SARS2: variants seen among roughly 807,000 people sequenced by gnomAD.
SARS2 encodes seryl-tRNA synthetase 2, mitochondrial, also known as serine--tRNA ligase, mitochondrial.
A neutral mutation model predicts 66.8 loss-of-function variants in SARS2; 52 were observed. The observed-to-expected ratio is 0.78, with a 90% CI of 0.62 to 0.98. The LOEUF (loss-of-function observed/expected upper bound fraction) is 0.98, where lower values mean the gene tolerates loss of function less well. SARS2 is among the 50% of genes least tolerant of loss of function. The pLI is 0.00. For synonymous variants in SARS2, 306 were observed against 281.4 expected (o/e 1.09, Z -0.87); for missense variants, 673 against 706.3 (o/e 0.95, Z 0.53).
rs998074550 is a variant in SARS2, at chr19:38,917,791, A to G, written c.1093T>C (p.Ser365Pro). The G allele has an allele frequency of 1.3e-5, 21 of 1,613,730 alleles. No individual in the cohort carries two copies. The highest frequency in any genetic ancestry group is 1.8e-5 in the Non-Finnish European group (21 of 1,179,820). Reference protein sequence around the residue: ...GVTGPGLEQSSQLLEEFLSLQ... With the variant: ...GVTGPGLEQSPQLLEEFLSLQ... Reference sequence around the variant, plus strand: ...GACAGGAACTCCTCCAGCAGCTGTGAGCTCTGCTCCAGCCCAGGGCCTGTC... The same window carrying G: ...GACAGGAACTCCTCCAGCAGCTGTGGGCTCTGCTCCAGCCCAGGGCCTGTC... The change falls in exon 12 of 16, where the codon TCA becomes CCA. Residue 365 changes from serine (S) to proline (P), a missense_variant. Coordinates refer to ENST00000221431, the MANE Select transcript of SARS2 (RefSeq NM_017827.4).
chr19:38,919,923 G>A, intron 6 of SARS2, 56 bp from the exon 7 acceptor site: 2 of 1,515,678 alleles, frequency 1.3e-6, no homozygotes, highest in South Asian at 1.1e-5. Flanking sequence ...GGGAATGTGG[G>A]GATGAAAACA....
At position 38,915,729 on chromosome 19, in the gene SARS2, G is replaced by C; in HGVS notation, c.1434C>G (p.Pro478=). ...NQQKDGSVLV[P]PALQSYLGTD... is the part of the protein sequence containing the mutation. ...TGCCGAGGTAGGACTGGAGGGCAGG[G>C]GGCACGAGCACTGAGCCGTCCTGGG... is the stretch of plus-strand genomic sequence containing the variant. The change falls in exon 16 of 16, where the codon CCC becomes CCG. Residue 478 remains proline, a synonymous_variant. Transcript: ENST00000221431. 1 of 1,613,170 alleles carries C rather than the reference G, an allele frequency of 6.2e-7. No individual in the cohort carries two copies. Among genetic ancestry groups the C allele is most frequent in the South Asian group, 1.1e-5 (1 of 91,060 alleles).
At position 38,930,753 on chromosome 19, in the gene SARS2, G is replaced by C; in HGVS notation, c.-17C>G. 6.2e-7 allele frequency: 1 copy of C among 1,610,776 alleles called. No individual in the cohort carries two copies. The highest frequency in any genetic ancestry group is 8.5e-7 in the Non-Finnish European group (1 of 1,179,968). On this transcript the variant is annotated 5_prime_UTR_variant, in exon 1 of 16. Transcript: ENST00000221431. Reference sequence around the variant, plus strand: ...CGCAGCCATCTTGGACCGGGAACAAGGCGGCACTTCGTCCCGCCCACTCCG... The same window carrying C: ...CGCAGCCATCTTGGACCGGGAACAACGCGGCACTTCGTCCCGCCCACTCCG...
chr19:38,919,249 T>A (rs1974474948), intron 7 of SARS2, among the ~76,000 whole-genome samples: 1 of 152,200 alleles, frequency 6.6e-6, no homozygotes, highest in Non-Finnish European at 1.5e-5. Context: ...ATTGCACCAC[T>A]GTACTCCAGC....
rs527808540 is a variant in SARS2 at position 38,916,328 on chromosome 19, C to T, written c.1161-14G>A. The T allele has an allele frequency of 5.6e-6, 9 of 1,611,494 alleles. No individual in the cohort carries two copies. Among genetic ancestry groups the T allele is most frequent in the Admixed American group, 3.3e-5 (2 of 59,974 alleles). On this transcript the variant is annotated splice_polypyrimidine_tract_variant and intron_variant, in intron 12 of 15. Transcript: ENST00000221431. ...ATATCCAGGACCCTGCGGTCAAGGA[C>T]GAAGGTGTGGGGAAGGTCAGCGGGT...
rs1974716437 is a variant in SARS2 at position 38,930,458 on chromosome 19, A to C, written c.267+12T>G. On this transcript the variant is annotated intron_variant, in intron 1 of 15. Transcript: ENST00000221431. ...AACGTCTGCGCCCCCCGGCCGGCGCAGGCGCACTCACGATCGCGGGCAGGT... is the reference window on the plus strand; with the variant it reads ...AACGTCTGCGCCCCCCGGCCGGCGCCGGCGCACTCACGATCGCGGGCAGGT... The C allele has an allele frequency of 6.3e-7, 1 of 1,590,462 alleles. No individual in the cohort carries two copies. Among genetic ancestry groups the C allele is most frequent in the Non-Finnish European group, 8.6e-7 (1 of 1,167,658 alleles).
chr19:38,917,726 G>T lies in SARS2; in HGVS notation c.1158C>A (p.Phe386Leu). 6.2e-7 allele frequency: 1 copy of T among 1,606,716 alleles called. No homozygotes were observed. The highest frequency in any genetic ancestry group is 1.7e-5 in the Admixed American group (1 of 59,942). ...GGATCCCTGGCCCCTCTCCACACCG[G>T]AAGTGCAAGCCCAGCTCTGTCAAGA... ...MEILTELGLH[F>L]RVLDMPTQEL... The change falls in exon 12 of 16, where the codon TTC becomes TTA. Residue 386 changes from phenylalanine (F) to leucine (L), a missense_variant and splice_region_variant. Physicochemically the swap from Phe to Leu is conservative, Grantham distance 22 (BLOSUM62 0). Coordinates refer to ENST00000221431, the MANE Select transcript of SARS2 (RefSeq NM_017827.4).
intron 5 of SARS2, among the ~76,000 whole-genome samples, chr19:38,921,060 CACAT>C (rs972497744): frequency 2.8e-5 from 3 of 106,744 alleles, no homozygotes; most frequent in Admixed American, 2.0e-4. Flanking sequence ...TACAGACACA[CACAT>C]ACAGATACAG....
intron 12 of SARS2, among the ~76,000 whole-genome samples, chr19:38,917,142 TA>T (rs1319946886): frequency 6.6e-6 from 1 of 151,942 alleles, no homozygotes; most frequent in African/African-American, 2.4e-5. Flanking sequence ...TTAAAAAACG[TA>T]AAGACGAGCT....
chr19:38,916,107 G>A lies in SARS2; in HGVS notation c.1277C>T (p.Thr426Ile). 3.1e-6 allele frequency: 5 copies of A among 1,613,948 alleles called. No individual in the cohort carries two copies. The highest frequency in any genetic ancestry group is 4.2e-6 in the Non-Finnish European group (5 of 1,179,956). Residue 426 changes from threonine (T) to isoleucine (I), a missense_variant, in exon 14 of 16, where the codon ACA becomes ATA. Physicochemically the swap from Thr to Ile is moderately conservative, Grantham distance 89. Coordinates refer to ENST00000221431, the MANE Select transcript of SARS2 (RefSeq NM_017827.4). ...GTGGAGGCGGCGGCTCTGGAAGTCTGTGCAGTTGGAAGCACTGGTGACCTG... is the reference window on the plus strand; with the variant it reads ...GTGGAGGCGGCGGCTCTGGAAGTCTATGCAGTTGGAAGCACTGGTGACCTG... The part of the protein sequence containing the change: ...FGEVTSASNC[T>I]DFQSRRLHIM...
At chr19:38,919,633 C>A in intron 7 of SARS2, 129 bp downstream of exon 7, 1 of 761,580 alleles carries the variant, frequency 1.3e-6, no homozygotes, top group African/African-American at 1.7e-5. Flanking sequence ...CTAAATGTGT[C>A]AATGATACAC....
At chr19:38,918,669 C>T (rs1241114087) in intron 8 of SARS2, 97 bp downstream of exon 8, 2 of 1,467,376 alleles carry the variant, frequency 1.4e-6, no homozygotes, top group Non-Finnish European at 1.9e-6. Flanking sequence ...CCCCTCAACC[C>T]AGCCCCAGGG....
At chr19:38,929,287 G>A (rs1568429752) in intron 1 of SARS2, among the ~76,000 whole-genome samples, 1 of 151,960 alleles carries the variant, frequency 6.6e-6, no homozygotes, top group South Asian at 2.1e-4. Flanking sequence ...GGGTGTGGTG[G>A]CTCATGCCTG....
chr19:38,921,562 C>T lies in SARS2; in HGVS notation c.499G>A (p.Ala167Thr). Reference protein sequence around the residue: ...AQLEEQFYLQALKLPNQTHPD... With the variant: ...AQLEEQFYLQTLKLPNQTHPD... ...TGGGTCTGGTTGGGCAGCTTCAGCG[C>T]CTGCAGGTAGAACTGCTCCTCAAGC... The change falls in exon 4 of 16, where the codon GCG becomes ACG. Residue 167 changes from alanine to threonine, a missense_variant. Physicochemically the swap from Ala to Thr is moderately conservative, Grantham distance 58. Transcript: ENST00000221431. 6.2e-7 allele frequency: 1 copy of T among 1,614,196 alleles called. No homozygotes were observed. Among genetic ancestry groups the T allele is most frequent in the Non-Finnish European group, 8.5e-7 (1 of 1,180,020 alleles).
At position 38,915,716 on chromosome 19, in the gene SARS2, A is replaced by C. The variant is rs1974398467; in HGVS notation, c.1447T>G (p.Ser483Ala). 1 of 1,613,224 alleles carries C rather than the reference A, an allele frequency of 6.2e-7. No homozygotes were observed. The highest frequency in any genetic ancestry group is 1.3e-5 in the African/African-American group (1 of 75,040). ...GTGATCCGATCAGTGCCGAGGTAGGACTGGAGGGCAGGGGGCACGAGCACT... is the reference window on the plus strand; with the variant it reads ...GTGATCCGATCAGTGCCGAGGTAGGCCTGGAGGGCAGGGGGCACGAGCACT... ...GSVLVPPALQ[S>A]YLGTDRITAP... The change falls in exon 16 of 16, where the codon TCC becomes GCC. Residue 483 changes from serine to alanine, a missense_variant. Transcript: ENST00000221431.
chr19:38,920,954 C>T (rs58137960), intron 5 of SARS2, among the ~76,000 whole-genome samples: 1 of 41,254 alleles, frequency 2.4e-5, no homozygotes, highest in Non-Finnish European at 4.6e-5. Context: ...CACACACAGA[C>T]ACAGACACAG....
At chr19:38,918,555 G>T (rs375773414) in intron 8 of SARS2, 25 bp from the exon 9 acceptor site, 2 of 1,568,554 alleles carry the variant, frequency 1.3e-6, no homozygotes, top group South Asian at 1.1e-5. Context: ...CAGGCCACAG[G>T]GATCAGGGGA....
In SARS2 at chr19:38,918,420, A is replaced by G. The variant is rs773492726; in HGVS notation, c.916+2T>C. On this transcript the variant is annotated splice_donor_variant, in intron 9 of 15. Coordinates refer to ENST00000221431, the MANE Select transcript of SARS2 (RefSeq NM_017827.4). LOFTEE classifies it high-confidence loss of function. Reference sequence around the variant, plus strand: ...CTCCCCACCACCCACACAGGTCCTCACCTGCAAGCCCCACCTCCGCTGTTC... The same window carrying G: ...CTCCCCACCACCCACACAGGTCCTCGCCTGCAAGCCCCACCTCCGCTGTTC... 5.0e-6 allele frequency: 8 copies of G among 1,612,286 alleles called. No individual in the cohort carries two copies. The South Asian group carries it at 7.7e-5, about 15-fold the overall frequency.
At chr19:38,925,336 A>G (rs1309019719) in intron 2 of SARS2, among the ~76,000 whole-genome samples, 1 of 151,906 alleles carries the variant, frequency 6.6e-6, no homozygotes, top group Non-Finnish European at 1.5e-5. Flanking sequence ...CAAAATAAAG[A>G]TCCCTTCTTC....
Sources: gnomAD v4.1 joint callset for allele counts (sites outside exome capture counted in the v4.1 genomes callset) on GRCh38, gnomAD v4.1.1 for gene constraint, MANE v1.5 for transcripts, NCBI Gene and HGNC (gene_info 2026-07-23, HGNC 2026-07-21) for gene names.